Variants in CDIN1 observed in about 807,000 individuals in gnomAD.
The protein encoded by CDIN1 is CDAN1-interacting nuclease 1.
A neutral mutation model predicts 45.3 loss-of-function variants in CDIN1; 33 were observed. The ratio of observed to expected loss-of-function variants is 0.73; its 90% CI spans 0.55 to 0.97. The LOEUF is 0.97. Among genes scored for constraint, CDIN1 ranks in the 50% least tolerant of loss-of-function variants. The pLI is 0.00. For missense variants in CDIN1, 303 were observed against 339.4 expected (o/e 0.89, Z 0.84); for synonymous variants, 118 against 124.4 (o/e 0.95, Z 0.34).
chr15:36,802,859 A>G (rs2055096861), intron 10 of CDIN1, among the ~76,000 whole-genome samples: 1 of 152,110 alleles, frequency 6.6e-6, no homozygotes, highest in Non-Finnish European at 1.5e-5. Context: ...TTTTTCTCCA[A>G]AACTAAGAAT....
chr15:36,691,577 C>A, intron 5 of CDIN1, 108 bp from the exon 6 acceptor site: 1 of 657,672 alleles, frequency 1.5e-6, no homozygotes, highest in South Asian at 2.2e-5. Context: ...TAATGCCAGT[C>A]ATATTTTTGT....
At chr15:36,588,788 A>G (rs2037427775) in intron 1 of CDIN1, among the ~76,000 whole-genome samples, 1 of 152,154 alleles carries the variant, frequency 6.6e-6, no homozygotes, top group Admixed American at 6.5e-5. Flanking sequence ...TTCTAAAAGA[A>G]GTGTTTAGCT....
Position 36,788,660 on chromosome 15 carries a change from A to C in CDIN1, c.717-19664A>C, listed in dbSNP as rs529378593. ...AGTTTCAAAACAAAATTATTACTTA[A>C]ATATATTTTAATAATGCTTAGCAAT... is the stretch of plus-strand genomic sequence containing the variant. On this transcript the variant is annotated intron_variant, in intron 10 of 10. Coordinates refer to ENST00000566621, the MANE Select transcript of CDIN1 (RefSeq NM_001321759.2). Among the ~76,000 whole-genome samples, 3 of 152,198 alleles carry C rather than the reference A, an allele frequency of 2.0e-5. No individual in the cohort carries two copies. The South Asian group carries it at 6.2e-4, about 32-fold the overall frequency.
intron 5 of CDIN1, among the ~76,000 whole-genome samples, chr15:36,681,055 A>T (rs1033474853): frequency 1.3e-5 from 2 of 152,172 alleles, no homozygotes; most frequent in Admixed American, 1.3e-4. Flanking sequence ...AAAGAAAGAA[A>T]AATAGAATAC....
intron 1 of CDIN1, among the ~76,000 whole-genome samples, chr15:36,611,514 T>C (rs1388183701): frequency 3.3e-5 from 5 of 152,220 alleles, no homozygotes; most frequent in Admixed American, 6.5e-5. Context: ...AGGAAACTTA[T>C]ACAAAATTAT....
chr15:36,788,845 T>C (rs1323682156), intron 10 of CDIN1, among the ~76,000 whole-genome samples: 2 of 152,176 alleles, frequency 1.3e-5, no homozygotes, highest in African/African-American at 4.8e-5. Context: ...TAGTAAACTC[T>C]GAACAAGAAA....
At chr15:36,688,400 A>G (rs1487613626) in intron 5 of CDIN1, among the ~76,000 whole-genome samples, 1 of 152,204 alleles carries the variant, frequency 6.6e-6, no homozygotes, top group African/African-American at 2.4e-5. Context: ...CAAAAAGTTC[A>G]TAATCTTAGG....
chr15:36,590,772 A>T (rs1342741636), intron 1 of CDIN1, among the ~76,000 whole-genome samples: 1 of 152,206 alleles, frequency 6.6e-6, no homozygotes, highest in African/African-American at 2.4e-5. Flanking sequence ...CAGACCATTG[A>T]TATTTACAAG....
chr15:36,665,120 T>C (rs984676323), intron 5 of CDIN1, among the ~76,000 whole-genome samples: 12 of 152,226 alleles, frequency 7.9e-5, no homozygotes, highest in Non-Finnish European at 1.6e-4. Flanking sequence ...AGTCGTATCT[T>C]TGGTTAGGCA....
intron 10 of CDIN1, among the ~76,000 whole-genome samples, chr15:36,723,213 G>A (rs1045150171): frequency 4.2e-5 from 4 of 94,946 alleles, no homozygotes; most frequent in Non-Finnish European, 8.3e-5. Context: ...CTGGCAGCTT[G>A]CTAACCATTA....
At chr15:36,645,375 T>C in intron 3 of CDIN1, 88 bp downstream of exon 3, 1 of 1,129,304 alleles carries the variant, frequency 8.9e-7, no homozygotes, top group Non-Finnish European at 1.3e-6. Flanking sequence ...TAATTTTCTA[T>C]GTCATATCCC....
intron 10 of CDIN1, among the ~76,000 whole-genome samples, chr15:36,758,816 C>CAG (rs1199363043): frequency 2.6e-5 from 4 of 152,200 alleles, no homozygotes; most frequent in African/African-American, 9.6e-5. Flanking sequence ...AAACATAATA[C>CAG]AGTATAATAT....
intron 10 of CDIN1, among the ~76,000 whole-genome samples, chr15:36,806,856 T>G (rs1595629721): frequency 1.3e-5 from 2 of 152,300 alleles, no homozygotes; most frequent in South Asian, 4.1e-4. Flanking sequence ...TTGTATGCAT[T>G]TGAGCCTGGG....
intron 1 of CDIN1, among the ~76,000 whole-genome samples, chr15:36,633,580 T>C (rs910857483): frequency 6.6e-6 from 1 of 152,208 alleles, no homozygotes; most frequent in Non-Finnish European, 1.5e-5. Flanking sequence ...CCACTTGTTA[T>C]TGCTTTCCAG....
At chr15:36,773,975 G>A (rs2054143417) in intron 10 of CDIN1, among the ~76,000 whole-genome samples, 1 of 152,210 alleles carries the variant, frequency 6.6e-6, no homozygotes, top group Non-Finnish European at 1.5e-5. Context: ...AGTTTGGCAT[G>A]GAATGTCCTC....
At chr15:36,764,582 G>A (rs763672666) in intron 10 of CDIN1, among the ~76,000 whole-genome samples, 5 of 152,088 alleles carry the variant, frequency 3.3e-5, no homozygotes, top group Admixed American at 2.0e-4. Flanking sequence ...AGCTTCTACC[G>A]GCATCCAGAA....
At chr15:36,726,523 A>C (rs1254920572) in intron 10 of CDIN1, among the ~76,000 whole-genome samples, 1 of 152,166 alleles carries the variant, frequency 6.6e-6, no homozygotes, top group Non-Finnish European at 1.5e-5. Flanking sequence ...ATTGACATTT[A>C]TGTCTGACAT....
At chr15:36,801,522 C>A (rs922546665) in intron 10 of CDIN1, among the ~76,000 whole-genome samples, 2 of 152,130 alleles carry the variant, frequency 1.3e-5, no homozygotes, top group Non-Finnish European at 1.5e-5. Context: ...TCTGGGAAAA[C>A]AAATCTCTAC....
At chr15:36,722,045 C>T (rs147846296) in intron 10 of CDIN1, among the ~76,000 whole-genome samples, 16 of 152,206 alleles carry the variant, frequency 1.1e-4, no homozygotes, top group Admixed American at 1.0e-3. Flanking sequence ...TGTTTAAAAA[C>T]TGTTATGTCA....
Sources: gnomAD v4.1 joint callset for allele counts (sites outside exome capture counted in the v4.1 genomes callset) on GRCh38, gnomAD v4.1.1 for gene constraint, MANE v1.5 for transcripts, NCBI Gene and HGNC (gene_info 2026-07-23, HGNC 2026-07-21) for gene names.